SIPA1L3: variants seen among roughly 807,000 people sequenced by gnomAD.
SIPA1L3 encodes signal-induced proliferation-associated 1-like protein 3.
SIPA1L3 carries 59 observed loss-of-function variants against 150.1 expected under a neutral mutation model. The ratio of observed to expected loss-of-function variants is 0.39; its 90% CI spans 0.32 to 0.49. The LOEUF is 0.49. Ranked by LOEUF, SIPA1L3 falls within the 20% of genes least tolerant of loss-of-function variation. SIPA1L3 has a pLI of 0.86. For missense variants in SIPA1L3, 2,211 were observed against 2,489.5 expected, an observed-to-expected ratio of 0.89 and a Z score of 2.38; for synonymous variants, 1,070 against 1,077.6, an observed-to-expected ratio of 0.99 and a Z score of 0.14.
chr19:38,178,840 G>A (rs2146017314), intron 15 of SIPA1L3, among the ~76,000 whole-genome samples: 1 of 152,180 alleles, frequency 6.6e-6, no homozygotes, highest in East Asian at 1.9e-4. Flanking sequence ...TTGTCTCCTG[G>A]GGAAAGCATT....
chr19:38,105,719 G>A (rs1970608014), intron 6 of SIPA1L3, among the ~76,000 whole-genome samples: 1 of 152,174 alleles, frequency 6.6e-6, no homozygotes, highest in African/African-American at 2.4e-5. Flanking sequence ...AACATTTAGA[G>A]GATTTCCCCA....
chr19:38,096,490 C>T (rs2145850477), intron 4 of SIPA1L3, among the ~76,000 whole-genome samples: 1 of 152,238 alleles, frequency 6.6e-6, no homozygotes, highest in South Asian at 2.1e-4. Context: ...CTAAAGTGAT[C>T]CGCCCACCTC....
At chr19:37,948,823 A>G (rs560365564) in intron 1 of SIPA1L3, among the ~76,000 whole-genome samples, 2 of 152,304 alleles carry the variant, frequency 1.3e-5, no homozygotes, top group Admixed American at 6.5e-5. Flanking sequence ...GCAGGCCTCT[A>G]AAGAGGTTGC....
At chr19:37,982,001 C>T (rs1250498444) in intron 1 of SIPA1L3, among the ~76,000 whole-genome samples, 3 of 152,196 alleles carry the variant, frequency 2.0e-5, no homozygotes, top group Non-Finnish European at 4.4e-5. Flanking sequence ...GAGAGGCTGG[C>T]TCCAGCATCT....
intron 2 of SIPA1L3, among the ~76,000 whole-genome samples, chr19:38,048,911 C>T (rs979578834): frequency 5.3e-5 from 8 of 152,146 alleles, no homozygotes; most frequent in African/African-American, 1.4e-4. Flanking sequence ...GGTGAAACCC[C>T]GTGTCTACTA....
chr19:37,995,587 G>A (rs1189114337), intron 1 of SIPA1L3, among the ~76,000 whole-genome samples: 1 of 152,176 alleles, frequency 6.6e-6, no homozygotes, highest in Non-Finnish European at 1.5e-5. Flanking sequence ...AAGAGGGGTG[G>A]TTGGGCTGGC....
At chr19:38,201,160 A>G (rs997045720) in intron 19 of SIPA1L3, among the ~76,000 whole-genome samples, 1 of 152,168 alleles carries the variant, frequency 6.6e-6, no homozygotes, top group Admixed American at 6.5e-5. Context: ...CGAGGATTCC[A>G]TTGTCTGGCT....
intron 4 of SIPA1L3, among the ~76,000 whole-genome samples, chr19:38,093,068 G>A (rs1047361288): frequency 1.3e-5 from 2 of 151,838 alleles, no homozygotes; most frequent in African/African-American, 4.8e-5. Context: ...ACTGTGTTAG[G>A]CAGGATGGTC....
intron 13 of SIPA1L3, among the ~76,000 whole-genome samples, chr19:38,153,984 A>G (rs928337794): frequency 3.3e-5 from 5 of 152,144 alleles, no homozygotes; most frequent in African/African-American, 1.2e-4. Flanking sequence ...CTGATAACCT[A>G]TCGCAGAGTG....
At chr19:37,952,344 T>C (rs894759916) in intron 1 of SIPA1L3, among the ~76,000 whole-genome samples, 1 of 152,094 alleles carries the variant, frequency 6.6e-6, no homozygotes, top group East Asian at 1.9e-4. Flanking sequence ...AGTAATACAG[T>C]AATTTTAGTG....
chr19:38,069,658 A>AT lies in SIPA1L3; in HGVS notation c.-310-11589dup, dbSNP rs969376237. ...GTGGGGTGTGGACAGATACCTATAT[A>AT]TTTTTTTTTATTTTTTATTTTTGTG... On this transcript the variant is annotated intron_variant, in intron 2 of 21. Transcript: ENST00000222345. Among the ~76,000 whole-genome samples, 36 of 150,674 alleles carry AT rather than the reference A, an allele frequency of 2.4e-4. No homozygotes were observed. In the Middle Eastern group the frequency reaches 0.021, roughly 86 times the overall value.
chr19:38,000,906 A>G (rs1249977996), intron 1 of SIPA1L3, among the ~76,000 whole-genome samples: 6 of 113,132 alleles, frequency 5.3e-5, no homozygotes, highest in African/African-American at 1.8e-4. Flanking sequence ...ATATATATAT[A>G]TATAACATAT....
rs1970601396 is a variant in SIPA1L3, at chr19:38,105,454, A to T, written c.2030-1083A>T. ...CAGTACAGTGTGACCTTGGGAAGGC[A>T]CTCCCTCTCCATGCCTCAGTTTCCC... On this transcript the variant is annotated intron_variant, in intron 6 of 21. Coordinates refer to ENST00000222345, the MANE Select transcript of SIPA1L3 (RefSeq NM_015073.3). 2.0e-5 allele frequency among the ~76,000 whole-genome samples: 3 copies of T among 151,632 alleles called. No individual in the cohort carries two copies. The South Asian group carries it at 6.3e-4, about 32-fold the overall frequency.
chr19:38,033,837 G>A (rs1599932203), intron 2 of SIPA1L3, among the ~76,000 whole-genome samples: 1 of 152,164 alleles, frequency 6.6e-6, no homozygotes, highest in Non-Finnish European at 1.5e-5. Context: ...TCTCAGCAGC[G>A]GGCCTGAGCT....
intron 1 of SIPA1L3, among the ~76,000 whole-genome samples, chr19:38,003,389 G>A (rs377254721): frequency 1.3e-5 from 2 of 152,200 alleles, no homozygotes; most frequent in East Asian, 1.9e-4. Context: ...CCCCAAGGAA[G>A]TATAGTTTAA....
At chr19:38,058,180 C>T (rs1215562757) in intron 2 of SIPA1L3, among the ~76,000 whole-genome samples, 1 of 152,142 alleles carries the variant, frequency 6.6e-6, no homozygotes, top group Non-Finnish European at 1.5e-5. Context: ...AGTCCCGGAG[C>T]AGGATGTTTG....
intron 1 of SIPA1L3, among the ~76,000 whole-genome samples, chr19:37,948,240 T>G (rs537987880): frequency 2.3e-4 from 35 of 152,238 alleles, no homozygotes; most frequent in African/African-American, 7.9e-4. Context: ...GTGGATTAAA[T>G]TGGTTTATGT....
chr19:38,153,150 A>T (rs942981904), intron 13 of SIPA1L3, among the ~76,000 whole-genome samples, 183 bp downstream of exon 13: 3 of 152,226 alleles, frequency 2.0e-5, no homozygotes, highest in African/African-American at 7.2e-5. Context: ...AGCAAGCGAG[A>T]TCCTTATCCG....
At chr19:38,120,635 T>C (rs561317096) in intron 9 of SIPA1L3, among the ~76,000 whole-genome samples, 22 of 152,324 alleles carry the variant, frequency 1.4e-4, no homozygotes, top group African/African-American at 5.3e-4. Flanking sequence ...AGTTCCATGT[T>C]AGTAATCACA....
Sources: gnomAD v4.1 joint callset for allele counts (sites outside exome capture counted in the v4.1 genomes callset) on GRCh38, gnomAD v4.1.1 for gene constraint, MANE v1.5 for transcripts, NCBI Gene and HGNC (gene_info 2026-07-23, HGNC 2026-07-21) for gene names.